HERC4: variants seen among roughly 807,000 people sequenced by gnomAD.
The protein encoded by HERC4 is HECT and RLD domain containing E3 ubiquitin protein ligase 4.
HERC4 carries 28 observed loss-of-function variants against 124.3 expected under a neutral mutation model. The ratio of observed to expected loss-of-function variants is 0.23; its 90% CI spans 0.17 to 0.31. HERC4 has a LOEUF of 0.31. HERC4 is among the 10% of genes least tolerant of loss of function. The probability of loss-of-function intolerance (pLI) is 1.00; values close to 1 mark genes in which losing one functional copy is unlikely to be tolerated. For synonymous variants in HERC4, 407 were observed against 421.5 expected, an observed-to-expected ratio of 0.97 and a Z score of 0.42; for missense variants, 713 against 1,229.3, an observed-to-expected ratio of 0.58 and a Z score of 6.28.
chr10:67,991,262 T>TA, intron 11 of HERC4, 63 bp from the exon 12 acceptor site: 1 of 938,072 alleles, frequency 1.1e-6, no homozygotes, highest in Non-Finnish European at 1.5e-6. Flanking sequence ...TACCCTTTCT[T>TA]AAAAAAGAAT....
At chr10:68,062,352 T>G (rs991105342) in intron 3 of HERC4, among the ~76,000 whole-genome samples, 2 of 152,200 alleles carry the variant, frequency 1.3e-5, no homozygotes, top group African/African-American at 4.8e-5. Flanking sequence ...GGATCATACC[T>G]GGCTCTTTCC....
chr10:67,991,478 G>C (rs2036548008), intron 11 of HERC4, among the ~76,000 whole-genome samples: 1 of 152,070 alleles, frequency 6.6e-6, no homozygotes, highest in South Asian at 2.1e-4. Context: ...TAAAAATTAA[G>C]TGTGTATGTT....
intron 3 of HERC4, among the ~76,000 whole-genome samples, chr10:68,049,458 T>TA (rs759110932): frequency 4.6e-5 from 7 of 151,106 alleles, no homozygotes; most frequent in Non-Finnish European, 1.0e-4. Flanking sequence ...GGCCAGGAGT[T>TA]AGAGACCAGC....
chr10:68,003,987 CT>C (rs2037390985), intron 9 of HERC4, among the ~76,000 whole-genome samples: 1 of 152,074 alleles, frequency 6.6e-6, no homozygotes, highest in South Asian at 2.1e-4. Context: ...CAAGCGTTCC[CT>C]TTTCTCCATA....
rs150972775 is a variant in HERC4, at chr10:68,056,899, T to C, written c.227-12336A>G. On this transcript the variant is annotated intron_variant, in intron 3 of 24. Coordinates refer to ENST00000373700, the MANE Select transcript of HERC4 (RefSeq NM_015601.4). ...AACCAAAATCTGGCAACTGGGTCAATGTTGGTGCTACGGGAAAGGAAAAGA... is the reference window on the plus strand; with the variant it reads ...AACCAAAATCTGGCAACTGGGTCAACGTTGGTGCTACGGGAAAGGAAAAGA... Among the ~76,000 whole-genome samples the C allele has an allele frequency of 2.9e-3, 446 of 152,276 alleles. 1 individual carries two copies. Among genetic ancestry groups the C allele is most frequent in the African/African-American group, 0.01 (431 of 41,552 alleles).
At position 68,010,194 on chromosome 10, in the gene HERC4, G is replaced by A. The variant is rs542914311; in HGVS notation, c.1069+3832C>T. ...TCTCCCTGTATCCCATTCCTAGAAG[G>A]GCAGGCACCTCAGTTTGAATGCATG... is the stretch of plus-strand genomic sequence containing the variant. On this transcript the variant is annotated intron_variant, in intron 9 of 24. Coordinates refer to ENST00000373700, the MANE Select transcript of HERC4 (RefSeq NM_015601.4). 25 of 1,065,866 alleles carry A rather than the reference G, an allele frequency of 2.3e-5. 1 individual carries two copies. In the South Asian group the frequency reaches 3.2e-4, roughly 13 times the overall value. 66.0% of individuals were successfully genotyped at this position (1,065,866 alleles called of 1,614,324 possible).
At chr10:68,038,609 G>A (rs1394435936) in intron 4 of HERC4, among the ~76,000 whole-genome samples, 1 of 151,974 alleles carries the variant, frequency 6.6e-6, no homozygotes, top group African/African-American at 2.4e-5. Context: ...CTCCTTTATC[G>A]GGTTTCTTAA....
Position 68,059,696 on chromosome 10 carries a change from TATA to T in HERC4, c.226+13184_226+13186del, listed in dbSNP as rs1183350068. On this transcript the variant is annotated intron_variant, in intron 3 of 24. Transcript: ENST00000373700. Reference sequence around the variant, plus strand: ...TATTATATATCATAATATTATATATTATAATATTATATATCATAATATTATATA... The same window carrying T: ...TATTATATATCATAATATTATATATTATATTATATATCATAATATTATATA... Among the ~76,000 whole-genome samples the T allele has an allele frequency of 2.8e-3, 165 of 59,854 alleles. 38 individuals are homozygous for T. The highest frequency in any genetic ancestry group is 0.016 in the African/African-American group (97 of 6,244). The allele number at this position is 59,854 out of a possible 152,430, so 39.3% of individuals were successfully genotyped here.
intron 3 of HERC4, among the ~76,000 whole-genome samples, chr10:68,061,879 T>TA (rs71470503): frequency 0.038 from 2,088 of 54,826 alleles, 240 homozygotes; most frequent in East Asian, 0.35. Context: ...AGACTCCATT[T>TA]AAAAAAAAAA....
intron 3 of HERC4, among the ~76,000 whole-genome samples, chr10:68,065,802 T>A (rs752700066): frequency 6.6e-6 from 1 of 152,110 alleles, no homozygotes; most frequent in Admixed American, 6.6e-5. Flanking sequence ...CGAGGCTGCA[T>A]TGAGCCACGA....
intron 4 of HERC4, among the ~76,000 whole-genome samples, chr10:68,042,596 C>T (rs1027691957): frequency 2.0e-5 from 3 of 152,156 alleles, no homozygotes; most frequent in Admixed American, 2.0e-4. Flanking sequence ...GCACACCAGC[C>T]TGGGTGACAG....
intron 19 of HERC4, among the ~76,000 whole-genome samples, chr10:67,943,130 T>C (rs1233142429): frequency 6.6e-6 from 1 of 152,238 alleles, no homozygotes; most frequent in African/African-American, 2.4e-5. Context: ...GCCTGTTACA[T>C]GCTTTTCAAT....
At chr10:67,947,708 A>G (rs986150956) in intron 19 of HERC4, among the ~76,000 whole-genome samples, 1 of 152,194 alleles carries the variant, frequency 6.6e-6, no homozygotes, top group African/African-American at 2.4e-5. Context: ...TTAGGTCACA[A>G]AACTTTCAAT....
chr10:68,015,286 C>T (rs2038194948), intron 8 of HERC4, among the ~76,000 whole-genome samples: 2 of 152,162 alleles, frequency 1.3e-5, no homozygotes, highest in Non-Finnish European at 2.9e-5. Context: ...CAGCTGAGGC[C>T]ATCCTAGACT....
intron 3 of HERC4, among the ~76,000 whole-genome samples, chr10:68,058,815 TTTTATGTAAGCAC>T (rs1231730178): frequency 1.3e-5 from 2 of 152,048 alleles, no homozygotes; most frequent in East Asian, 3.8e-4. Context: ...GAGCCAGGAT[TTTTATGTAAGCAC>T]TCTAATTCCA....
In HERC4 at chr10:67,940,896, C is replaced by T. The variant is rs565439069; in HGVS notation, c.2504+43G>A. On this transcript the variant is annotated intron_variant, in intron 20 of 24. Coordinates refer to ENST00000373700, the MANE Select transcript of HERC4 (RefSeq NM_015601.4). ...CTTTCTGTACCTTCCCCACTTTTTA[C>T]CTCCCAAACCCTACTACTTTTTGAC... 20 of 1,525,104 alleles carry T rather than the reference C, an allele frequency of 1.3e-5. No individual in the cohort carries two copies. In the African/African-American group the frequency reaches 2.6e-4, roughly 20 times the overall value. The allele number at this position is 1,525,104 out of a possible 1,614,324, so 94.5% of individuals were successfully genotyped here. A position where few individuals can be genotyped will look rare whatever the true frequency, so the allele number is the denominator to read the frequency against.
In HERC4 at chr10:67,935,599, C is replaced by T. The variant is rs902539770; in HGVS notation, c.2654+554G>A. 2.0e-5 allele frequency among the ~76,000 whole-genome samples: 3 copies of T among 152,190 alleles called. No individual in the cohort carries two copies. In the South Asian group the frequency reaches 6.2e-4, roughly 32 times the overall value. On this transcript the variant is annotated intron_variant, in intron 22 of 24. Coordinates refer to ENST00000373700, the MANE Select transcript of HERC4 (RefSeq NM_015601.4). ...TGGCAGTGTCCAGGTGTCCTCAAAC[C>T]CACAGTCTCTTTAGTTCAATTTCTC...
intron 7 of HERC4, among the ~76,000 whole-genome samples, chr10:68,027,990 T>TTATATATA (rs55984730): frequency 4.4e-4 from 64 of 144,582 alleles, no homozygotes; most frequent in Non-Finnish European, 7.9e-4. Flanking sequence ...ATATTTTTAA[T>TTATATATA]TATATATATA....
At chr10:67,945,213 A>C (rs201548872) in intron 19 of HERC4, among the ~76,000 whole-genome samples, 3 of 128,406 alleles carry the variant, frequency 2.3e-5, no homozygotes, top group Non-Finnish European at 3.4e-5. Flanking sequence ...AGCAAGAGAA[A>C]AGAAACAACA....
Sources: gnomAD v4.1 joint callset for allele counts (sites outside exome capture counted in the v4.1 genomes callset) on GRCh38, gnomAD v4.1.1 for gene constraint, MANE v1.5 for transcripts, NCBI Gene and HGNC (gene_info 2026-07-23, HGNC 2026-07-21) for gene names.